The following SNX29 variants were observed in gnomAD, a reference collection of about 807,000 sequenced individuals.
SNX29 encodes sorting nexin-29.
In SNX29, 78 loss-of-function variants were observed where a neutral mutation model predicts 102.1. The observed-to-expected ratio is 0.76, with a 90% confidence interval of 0.64 to 0.92. The LOEUF is 0.92. Ranked by LOEUF, SNX29 falls within the 40% of genes least tolerant of loss-of-function variation. The probability of loss-of-function intolerance (pLI) is 0.00; values close to 1 mark genes in which losing one functional copy is unlikely to be tolerated. For missense variants in SNX29, 1,280 were observed against 1,061.7 expected, an observed-to-expected ratio of 1.21 and a Z score of -2.86; for synonymous variants, 580 against 414.5, an observed-to-expected ratio of 1.40 and a Z score of -4.85.
chr16:12,502,072 G>C (rs1268765541), intron 19 of SNX29, among the ~76,000 whole-genome samples: 1 of 152,202 alleles, frequency 6.6e-6, no homozygotes, highest in Admixed American at 6.5e-5. Context: ...CATGGGACCT[G>C]CTTAGTGTCC....
At chr16:12,527,521 G>A in intron 20 of SNX29, 1 of 402,288 alleles carries the variant, frequency 2.5e-6, no homozygotes. Flanking sequence ...TCACTAAAGA[G>A]AGGGCCCCCC....
At position 12,196,416 on chromosome 16, in the gene SNX29, A is replaced by C. The variant is rs545966360; in HGVS notation, c.1596-3185A>C. 1.1e-4 allele frequency among the ~76,000 whole-genome samples: 16 copies of C among 152,266 alleles called. 1 individual carries two copies. The East Asian group carries it at 1.5e-3, about 15-fold the overall frequency. On this transcript the variant is annotated intron_variant, in intron 13 of 20. Transcript: ENST00000566228. ...AGAGGCAGGTGTTCATGTGTTGCAG[A>C]TTGAAAAGCATATTTCCCACTACAT...
rs569145602 is a variant in SNX29, at chr16:12,143,157, C to T, written c.1595+13399C>T. 3.9e-4 allele frequency among the ~76,000 whole-genome samples: 59 copies of T among 152,014 alleles called. 1 individual carries two copies. Among genetic ancestry groups the T allele is most frequent in the Non-Finnish European group, 6.3e-4 (43 of 67,982 alleles). ...GGATTACAGGCATGCGCCACCATGC[C>T]CGGCTAATTTTTATATTTTTAGTAG... On this transcript the variant is annotated intron_variant, in intron 13 of 20. Transcript: ENST00000566228.
intron 18 of SNX29, among the ~76,000 whole-genome samples, chr16:12,418,679 T>C (rs949936083): frequency 3.3e-5 from 5 of 152,178 alleles, no homozygotes; most frequent in African/African-American, 1.2e-4. Context: ...CGTGCCCAGC[T>C]AATTTTTGTA....
At chr16:12,313,730 C>A (rs1408359234) in intron 15 of SNX29, among the ~76,000 whole-genome samples, 1 of 152,186 alleles carries the variant, frequency 6.6e-6, no homozygotes, top group Non-Finnish European at 1.5e-5. Flanking sequence ...CACCCCATGC[C>A]GGGTATGGAG....
chr16:11,987,898 T>C (rs1171687918), intron 1 of SNX29, among the ~76,000 whole-genome samples: 4 of 152,238 alleles, frequency 2.6e-5, no homozygotes, highest in Non-Finnish European at 5.9e-5. Flanking sequence ...TTGATATGCA[T>C]TGCCACATCG....
chr16:12,190,588 G>A (rs1228197885), intron 13 of SNX29, among the ~76,000 whole-genome samples: 1 of 152,160 alleles, frequency 6.6e-6, no homozygotes, highest in Non-Finnish European at 1.5e-5. Context: ...GGGGCAGATG[G>A]GAGAGTTGCA....
At chr16:12,180,305 G>C (rs1033983187) in intron 13 of SNX29, among the ~76,000 whole-genome samples, 1 of 152,018 alleles carries the variant, frequency 6.6e-6, no homozygotes, top group Admixed American at 6.6e-5. Flanking sequence ...CATTTTTCTG[G>C]TTCTGGCGTA....
chr16:12,156,455 G>A (rs1303269949), intron 13 of SNX29, among the ~76,000 whole-genome samples: 1 of 152,212 alleles, frequency 6.6e-6, no homozygotes, highest in Non-Finnish European at 1.5e-5. Flanking sequence ...ACAGGCGTGA[G>A]CCTTGTTGGC....
intron 3 of SNX29, among the ~76,000 whole-genome samples, chr16:12,009,984 T>A (rs768696441): frequency 6.6e-6 from 1 of 152,232 alleles, no homozygotes; most frequent in Non-Finnish European, 1.5e-5. Flanking sequence ...GGAATCAGCA[T>A]GGGCTTTGGA....
chr16:12,353,411 C>T (rs2082045357), intron 15 of SNX29, among the ~76,000 whole-genome samples: 1 of 140,224 alleles, frequency 7.1e-6, no homozygotes, highest in Non-Finnish European at 1.5e-5. Context: ...TGCTGCCAAG[C>T]CTGCTAAGTG....
intron 8 of SNX29, among the ~76,000 whole-genome samples, chr16:12,054,977 T>A (rs140794927): frequency 7.9e-4 from 121 of 152,280 alleles, no homozygotes; most frequent in Middle Eastern, 3.4e-3. Flanking sequence ...GAACTGTTTG[T>A]TAGGGCAGCT....
chr16:12,104,466 G>C (rs1006038410), intron 11 of SNX29, among the ~76,000 whole-genome samples: 6 of 152,036 alleles, frequency 3.9e-5, no homozygotes, highest in Admixed American at 2.6e-4. Context: ...TGAGGCAGGA[G>C]AATCTCTTGA....
chr16:12,443,826 G>T (rs915942852), intron 18 of SNX29, among the ~76,000 whole-genome samples: 5 of 152,266 alleles, frequency 3.3e-5, no homozygotes, highest in Non-Finnish European at 7.3e-5. Flanking sequence ...AAGTTAGTCT[G>T]TCTGAGCCTC....
At position 12,043,097 on chromosome 16, in the gene SNX29, A is replaced by C. The variant is rs1703492; in HGVS notation, c.428+20A>C. The C allele has an allele frequency of 0.67, 1,084,366 of 1,610,458 alleles. 370,553 individuals carry two copies. Among genetic ancestry groups the C allele is most frequent in the African/African-American group, 0.83 (62,516 of 74,930 alleles). The stretch of plus-strand genomic sequence containing the variant: ...GCTGAGGTACGTGGCCGGGATGCGA[A>C]CTGGGATGGGATGGAGCAAGAGGTG... On this transcript the variant is annotated intron_variant, in intron 5 of 20. Transcript: ENST00000566228.
chr16:12,549,893 C>A (rs748473146), intron 20 of SNX29, among the ~76,000 whole-genome samples: 43 of 152,234 alleles, frequency 2.8e-4, no homozygotes, highest in Non-Finnish European at 4.9e-4. Context: ...GAACAGAGAT[C>A]AGAAAATGAT....
At chr16:12,009,031 T>C (rs1254592267) in intron 3 of SNX29, among the ~76,000 whole-genome samples, 1 of 152,264 alleles carries the variant, frequency 6.6e-6, no homozygotes, top group South Asian at 2.1e-4. Flanking sequence ...CATGAGCCAC[T>C]GCGCCCGGCC....
At chr16:12,534,316 C>A (rs966524336) in intron 20 of SNX29, among the ~76,000 whole-genome samples, 1 of 152,216 alleles carries the variant, frequency 6.6e-6, no homozygotes, top group Non-Finnish European at 1.5e-5. Flanking sequence ...CTAATGAGGG[C>A]CTCTGTGCCC....
At chr16:12,485,377 G>A (rs1167596425) in intron 19 of SNX29, among the ~76,000 whole-genome samples, 1 of 152,186 alleles carries the variant, frequency 6.6e-6, no homozygotes, top group Non-Finnish European at 1.5e-5. Context: ...TCCTTCTTAG[G>A]ATAATAGATT....
Sources: gnomAD v4.1 joint callset for allele counts (sites outside exome capture counted in the v4.1 genomes callset) on GRCh38, gnomAD v4.1.1 for gene constraint, MANE v1.5 for transcripts, NCBI Gene and HGNC (gene_info 2026-07-23, HGNC 2026-07-21) for gene names.